AUTS2: variants seen among roughly 807,000 people sequenced by gnomAD.
AUTS2 encodes the protein activator of transcription and developmental regulator AUTS2.
AUTS2 carries 17 observed loss-of-function variants against 112.4 expected under a neutral mutation model. The observed-to-expected ratio is 0.15, with a 90% CI of 0.10 to 0.23. The LOEUF (loss-of-function observed/expected upper bound fraction) is 0.23, where lower values mean the gene tolerates loss of function less well. Among genes scored for constraint, AUTS2 ranks in the 10% least tolerant of loss-of-function variants. AUTS2 has a pLI of 1.00. For missense variants in AUTS2, 1,510 were observed against 1,701.6 expected (o/e 0.89, Z 1.98); for synonymous variants, 751 against 702.7 (o/e 1.07, Z -1.09).
At chr7:69,914,480 G>A (rs986835690) in intron 2 of AUTS2, among the ~76,000 whole-genome samples, 3 of 151,420 alleles carry the variant, frequency 2.0e-5, no homozygotes, top group Admixed American at 6.6e-5. Context: ...ATGAGCGCAT[G>A]CTGCACACCA....
chr7:69,844,218 T>C (rs2129528957), intron 1 of AUTS2, among the ~76,000 whole-genome samples: 1 of 152,328 alleles, frequency 6.6e-6, no homozygotes, highest in African/African-American at 2.4e-5. Context: ...GGGCTACTTA[T>C]TTAGGAAAGG....
chr7:70,245,142 G>GTATATA lies in AUTS2; in HGVS notation c.660+110572_660+110573insATATAT, dbSNP rs1225794976. On this transcript the variant is annotated intron_variant, in intron 4 of 18. Transcript: ENST00000342771. ...CTCAAAAAAAAAAAAAAGTGTGTGT[G>GTATATA]TGTATATATATATATATATATATAT... Among the ~76,000 whole-genome samples the GTATATA allele has an allele frequency of 9.6e-4, 69 of 72,216 alleles. 2 individuals are homozygous for GTATATA. Among genetic ancestry groups the GTATATA allele is most frequent in the African/African-American group, 3.7e-3 (68 of 18,158 alleles). The allele number at this position is 72,216 out of a possible 152,430, so 47.4% of individuals were successfully genotyped here.
At chr7:69,683,462 C>G (rs982709516) in intron 1 of AUTS2, among the ~76,000 whole-genome samples, 1 of 152,042 alleles carries the variant, frequency 6.6e-6, no homozygotes, top group Non-Finnish European at 1.5e-5. Context: ...AAAGCCTCAC[C>G]GAGGACTCTT....
At chr7:70,683,249 G>T (rs76756751) in intron 5 of AUTS2, among the ~76,000 whole-genome samples, 137 of 148,244 alleles carry the variant, frequency 9.2e-4, no homozygotes, top group African/African-American at 3.2e-3. Flanking sequence ...GCAATTCGTG[G>T]AAAGGACTTT....
intron 5 of AUTS2, among the ~76,000 whole-genome samples, chr7:70,682,524 G>A (rs1009636468): frequency 4.6e-5 from 7 of 151,934 alleles, no homozygotes; most frequent in African/African-American, 7.3e-5. Flanking sequence ...ACTCTTTCTC[G>A]AACTTCAAAG....
At chr7:69,835,861 A>G (rs570283564) in intron 1 of AUTS2, among the ~76,000 whole-genome samples, 172 of 152,322 alleles carry the variant, frequency 1.1e-3, no homozygotes, top group Admixed American at 2.4e-3. Flanking sequence ...ATGTTTATCA[A>G]TTTAGGTGCA....
At chr7:69,782,141 G>T (rs958073751) in intron 1 of AUTS2, among the ~76,000 whole-genome samples, 3 of 152,138 alleles carry the variant, frequency 2.0e-5, no homozygotes, top group Non-Finnish European at 4.4e-5. Flanking sequence ...GAGGTGGGCA[G>T]ATAGCTTGAG....
intron 4 of AUTS2, among the ~76,000 whole-genome samples, chr7:70,171,731 C>G (rs1808699131): frequency 6.6e-6 from 1 of 152,088 alleles, no homozygotes; most frequent in Admixed American, 6.6e-5. Context: ...TGTTCCTTCC[C>G]CATGGGAAAG....
chr7:70,148,260 A>C (rs1162912468), intron 4 of AUTS2, among the ~76,000 whole-genome samples: 1 of 152,280 alleles, frequency 6.6e-6, no homozygotes, highest in South Asian at 2.1e-4. Context: ...GTGTCAGAAT[A>C]AGATTCCATT....
chr7:70,427,873 A>G (rs988898653), intron 4 of AUTS2, among the ~76,000 whole-genome samples: 1 of 152,186 alleles, frequency 6.6e-6, no homozygotes, highest in Non-Finnish European at 1.5e-5. Flanking sequence ...CCCATTCAGA[A>G]ATGCTAGGTT....
intron 1 of AUTS2, among the ~76,000 whole-genome samples, chr7:69,886,043 T>C (rs2129538359): frequency 6.6e-6 from 1 of 152,314 alleles, no homozygotes; most frequent in South Asian, 2.1e-4. Flanking sequence ...CTAAGTTACA[T>C]CTGTTGATAT....
intron 2 of AUTS2, among the ~76,000 whole-genome samples, chr7:69,984,332 A>G (rs1039413416): frequency 2.7e-5 from 4 of 148,314 alleles, no homozygotes; most frequent in Non-Finnish European, 4.4e-5. Flanking sequence ...GCGTGAACTC[A>G]GGAGGTGGAG....
chr7:69,976,142 A>G (rs1798051245), intron 2 of AUTS2, among the ~76,000 whole-genome samples: 1 of 152,238 alleles, frequency 6.6e-6, no homozygotes, highest in African/African-American at 2.4e-5. Flanking sequence ...CTCTTTACCC[A>G]TTGAACAACT....
chr7:69,828,769 C>T (rs1262743653), intron 1 of AUTS2, among the ~76,000 whole-genome samples: 3 of 152,044 alleles, frequency 2.0e-5, no homozygotes, highest in African/African-American at 7.3e-5. Context: ...AGCATTTTCT[C>T]CAAAGCAAGG....
At chr7:69,970,236 T>TTA (rs1251225926) in intron 2 of AUTS2, among the ~76,000 whole-genome samples, 1 of 152,166 alleles carries the variant, frequency 6.6e-6, no homozygotes, top group Non-Finnish European at 1.5e-5. Context: ...CTTTCTCTTT[T>TTA]TATTCTACAT....
At chr7:69,829,333 G>A (rs913470937) in intron 1 of AUTS2, among the ~76,000 whole-genome samples, 2 of 152,124 alleles carry the variant, frequency 1.3e-5, no homozygotes, top group Non-Finnish European at 2.9e-5. Context: ...TAGGCATGGG[G>A]CAAAGATTTT....
chr7:70,514,353 C>T (rs115493661), intron 5 of AUTS2, among the ~76,000 whole-genome samples: 402 of 152,290 alleles, frequency 2.6e-3, no homozygotes, highest in African/African-American at 9.1e-3. Context: ...GAGGTTTATT[C>T]GGCTTATGGT....
At chr7:69,713,146 G>C (rs1385046983) in intron 1 of AUTS2, among the ~76,000 whole-genome samples, 3 of 152,134 alleles carry the variant, frequency 2.0e-5, no homozygotes, top group African/African-American at 7.2e-5. Context: ...GGGACAGTGT[G>C]ATGTTTCAAT....
intron 1 of AUTS2, among the ~76,000 whole-genome samples, chr7:69,713,087 C>A (rs1441874464): frequency 6.6e-6 from 1 of 152,014 alleles, no homozygotes; most frequent in African/African-American, 2.4e-5. Context: ...TATTGAGTTT[C>A]AAGAGCTTTT....
Sources: allele counts gnomAD v4.1 joint callset (sites outside exome capture counted in the v4.1 genomes callset), GRCh38; gene constraint gnomAD v4.1.1; transcripts MANE v1.5; gene names NCBI Gene and HGNC (gene_info 2026-07-23, HGNC 2026-07-21).